The following PPP1R9B variants were observed in gnomAD, a reference collection of about 807,000 sequenced individuals.
PPP1R9B encodes the protein protein phosphatase 1 regulatory subunit 9B, also known as neurabin-2.
In PPP1R9B, 17 loss-of-function variants were observed where a neutral mutation model predicts 75.8. The ratio of observed to expected loss-of-function variants is 0.22; its 90% confidence interval spans 0.15 to 0.34. PPP1R9B has a LOEUF of 0.34. Among genes scored for constraint, PPP1R9B ranks in the 10% least tolerant of loss-of-function variants. The pLI is 1.00. For synonymous variants in PPP1R9B, 509 were observed against 535.4 expected, an observed-to-expected ratio of 0.95 and a Z score of 0.68; for missense variants, 875 against 1,196.0, an observed-to-expected ratio of 0.73 and a Z score of 3.96.
chr17:50,149,533 C>G lies in PPP1R9B; in HGVS notation c.981G>C (p.Ala327=), dbSNP rs1426244800. The G allele has an allele frequency of 6.3e-7, 1 of 1,591,500 alleles. No individual in the cohort carries two copies. Residue 327 remains alanine (A), a synonymous_variant, in exon 1 of 10, where the codon GCG becomes GCC. Transcript: ENST00000612501. This position sits in a 1 kb window ranked among gnomAD's most constrained non-coding sequence, Gnocchi z 7.2. The stretch of plus-strand genomic sequence containing the variant: ...CCACGGTGCTGCCATTCTCCAGGGC[C>G]GCGTGGACCGTAACCTCGGCCTGGA... ...EVIQAEVTVH[A]ALENGSTVAT...
Position 50,149,493 on chromosome 17 carries a change from G to T in PPP1R9B, c.1021C>A (p.Pro341Thr). ...NGSTVATAAS[P>T]APEEPKAQAA... The stretch of plus-strand genomic sequence containing the variant: ...TGGGCCTTTGGCTCCTCGGGCGCGG[G>T]GCTGGCTGCAGTTGCCACGGTGCTG... The change falls in exon 1 of 10, where the codon CCC becomes ACC. Residue 341 changes from proline (P) to threonine (T), a missense_variant. Around this residue, in one of 4 missense-constraint regions of PPP1R9B, gnomAD observed 449 missense variants for 475.0 expected, o/e 0.95. Coordinates refer to ENST00000612501, the MANE Select transcript of PPP1R9B (RefSeq NM_032595.5). The surrounding 1 kb of genome is among the most constrained non-coding windows in gnomAD (Gnocchi z 7.2). 6.3e-7 allele frequency: 1 copy of T among 1,598,268 alleles called. No homozygotes were observed. The highest frequency in any genetic ancestry group is 8.5e-7 in the Non-Finnish European group (1 of 1,173,674).
chr17:50,136,714 CT>C (rs1912241264), intron 7 of PPP1R9B, among the ~76,000 whole-genome samples: 1 of 152,154 alleles, frequency 6.6e-6, no homozygotes, highest in African/African-American at 2.4e-5. Flanking sequence ...CAGCGCAGAC[CT>C]CCAGTCCCCC....
At chr17:50,143,818 TC>T (rs1448371442) in intron 2 of PPP1R9B, 100 bp from the exon 3 acceptor site, 2 of 1,512,850 alleles carry the variant, frequency 1.3e-6, no homozygotes, top group African/African-American at 2.7e-5. Context: ...CAGGAAGCAG[TC>T]CCCATTAGGG....
intron 1 of PPP1R9B, among the ~76,000 whole-genome samples, chr17:50,148,129 T>C (rs1030961563): frequency 6.6e-6 from 1 of 150,476 alleles, no homozygotes; most frequent in Non-Finnish European, 1.5e-5. Context: ...GGGGGAGGGG[T>C]GGCCTGGGGT....
Position 50,142,069 on chromosome 17 carries a change from C to T in PPP1R9B, c.1626-696G>A, listed in dbSNP as rs981539321. 3.9e-5 allele frequency among the ~76,000 whole-genome samples: 6 copies of T among 152,182 alleles called. No homozygotes were observed. Among genetic ancestry groups the T allele is most frequent in the African/African-American group, 7.2e-5 (3 of 41,422 alleles). On this transcript the variant is annotated intron_variant, in intron 3 of 9. Transcript: ENST00000612501. This position sits in a 1 kb window ranked among gnomAD's most constrained non-coding sequence, Gnocchi z 4.1. ...AGATGTCCTCCCAAGTCCCCAAGAC[C>T]GAATGGCACTCTCTCGAGTTCACAC...
chr17:50,136,932 T>C (rs553740555), intron 7 of PPP1R9B, among the ~76,000 whole-genome samples: 1 of 152,218 alleles, frequency 6.6e-6, no homozygotes, highest in East Asian at 1.9e-4. Context: ...ATGCCTCCTT[T>C]CCTGACTTGC....
chr17:50,150,113 G>T lies in PPP1R9B; in HGVS notation c.401C>A (p.Pro134His). The change falls in exon 1 of 10, where the codon CCT becomes CAT. Residue 134 changes from proline (P) to histidine (H), a missense_variant. This residue lies in a region of PPP1R9B where 449 missense variants were observed against 475.0 expected (regional missense o/e 0.95). Coordinates refer to ENST00000612501, the MANE Select transcript of PPP1R9B (RefSeq NM_032595.5). The surrounding 1 kb of genome is among the most constrained non-coding windows in gnomAD (Gnocchi z 8.7). ...FDSKPAPSAQ[P>H]APPPHPPSRL... ...GGACGGCGGGTGCGGCGGCGGCGCA[G>T]GCTGCGCGGAGGGCGCGGGCTTGGA... 7.1e-7 allele frequency: 1 copy of T among 1,401,364 alleles called. No homozygotes were observed. Among genetic ancestry groups the T allele is most frequent in the Non-Finnish European group, 9.2e-7 (1 of 1,083,308 alleles). The allele number at this position is 1,401,364 out of a possible 1,614,324, so 86.8% of individuals were successfully genotyped here.
In PPP1R9B at chr17:50,139,620, C is replaced by T. The variant is rs1567728159; in HGVS notation, c.1867-39G>A. 6.6e-7 allele frequency: 1 copy of T among 1,517,882 alleles called. No individual in the cohort carries two copies. 94.0% of individuals were successfully genotyped at this position (1,517,882 alleles called of 1,614,324 possible). On this transcript the variant is annotated intron_variant, in intron 5 of 9. Transcript: ENST00000612501. This position sits in a 1 kb window ranked among gnomAD's most constrained non-coding sequence, Gnocchi z 5.0. ...CCGGAGACTGTGGGCCCACCCCACC[C>T]AGCTGCCCTCAGCCCTGATGACCAG...
At position 50,150,292 on chromosome 17, in the gene PPP1R9B, C is replaced by T. The variant is rs1485177207; in HGVS notation, c.222G>A (p.Ala74=). 9.8e-6 allele frequency: 14 copies of T among 1,423,714 alleles called. No homozygotes were observed. In the East Asian group the frequency reaches 4.0e-4, roughly 41 times the overall value. 88.2% of individuals were successfully genotyped at this position (1,423,714 alleles called of 1,614,324 possible). Residue 74 remains alanine, a synonymous_variant, in exon 1 of 10, where the codon GCG becomes GCA. Transcript: ENST00000612501. The surrounding 1 kb of genome is among the most constrained non-coding windows in gnomAD (Gnocchi z 8.7). ...MGTTAGPSGE[A]GGGAGLAEAP... is the part of the protein sequence containing the mutation. ...CCTCGGCCAGGCCCGCGCCGCCGCCCGCCTCGCCCGAGGGCCCCGCCGTCG... is the reference window on the plus strand; with the variant it reads ...CCTCGGCCAGGCCCGCGCCGCCGCCTGCCTCGCCCGAGGGCCCCGCCGTCG...
chr17:50,139,225 A>G lies in PPP1R9B; in HGVS notation c.2073+38T>C. 1.9e-6 allele frequency: 3 copies of G among 1,613,052 alleles called. No homozygotes were observed. Among genetic ancestry groups the G allele is most frequent in the Non-Finnish European group, 2.5e-6 (3 of 1,178,972 alleles). On this transcript the variant is annotated intron_variant, in intron 7 of 9. Transcript: ENST00000612501. The surrounding 1 kb of genome is among the most constrained non-coding windows in gnomAD (Gnocchi z 5.0). ...GGGGACCCTGCTCCTCAACACACAC[A>G]TGCACGCACGCAAAAGCACACACAT...
At chr17:50,146,010 C>G (rs1679440114) in intron 1 of PPP1R9B, 1 of 152,662 alleles carries the variant, frequency 6.6e-6, no homozygotes, top group Admixed American at 6.5e-5. Flanking sequence ...GTTACGCCCC[C>G]TGTCCATGTG....
At position 50,139,561 on chromosome 17, in the gene PPP1R9B, G is replaced by A. The variant is rs1227914182; in HGVS notation, c.1887C>T (p.Asp629=). ...DDEETGEYAT[D]EDEELSPTFP... ...ACGTGGGGCTCAGCTCCTCATCCTC[G>A]TCAGTGGCATACTCTCCCGTCTGCG... The change falls in exon 6 of 10, where the codon GAC becomes GAT. Residue 629 remains aspartate, a synonymous_variant. Transcript: ENST00000612501. The surrounding 1 kb of genome is among the most constrained non-coding windows in gnomAD (Gnocchi z 5.0). The A allele has an allele frequency of 3.8e-6, 6 of 1,571,612 alleles. No individual in the cohort carries two copies. Among genetic ancestry groups the A allele is most frequent in the African/African-American group, 1.4e-5 (1 of 73,870 alleles).
In PPP1R9B at chr17:50,135,596, G is replaced by C; in HGVS notation, c.2357C>G (p.Ser786Trp). 6.2e-7 allele frequency: 1 copy of C among 1,611,286 alleles called. No individual in the cohort carries two copies. Among genetic ancestry groups the C allele is most frequent in the South Asian group, 1.1e-5 (1 of 90,578 alleles). ...ETAQRRVLEE[S>W]ELARKEEMDK... ...CATCTCCTCCTTTCTGGCCAGCTCC[G>C]ACTCCTCCAGAACCCGACGCTGTGC... Residue 786 changes from serine (S) to tryptophan (W), a missense_variant, in exon 9 of 10, where the codon TCG becomes TGG. Around this residue, in one of 4 missense-constraint regions of PPP1R9B, gnomAD observed 218 missense variants for 334.6 expected, o/e 0.65. Transcript: ENST00000612501.
Position 50,150,409 on chromosome 17 carries a change from C to T in PPP1R9B, c.105G>A (p.Ala35=), listed in dbSNP as rs764859672. ...CCTTGGGTGCCTCGTCGGGCCCGGG[C>T]GCGTCGGGCGGCTTCAGCGCCTGGA... is the stretch of plus-strand genomic sequence containing the variant. ...AGIQALKPPD[A]PGPDEAPKGA... Residue 35 remains alanine (A), a synonymous_variant, in exon 1 of 10, where the codon GCG becomes GCA. Coordinates refer to ENST00000612501, the MANE Select transcript of PPP1R9B (RefSeq NM_032595.5). The surrounding 1 kb of genome is among the most constrained non-coding windows in gnomAD (Gnocchi z 8.7). 9.3e-6 allele frequency: 13 copies of T among 1,396,396 alleles called. No homozygotes were observed. The East Asian group carries it at 2.8e-4, about 30-fold the overall frequency. 86.5% of individuals were successfully genotyped at this position (1,396,396 alleles called of 1,614,324 possible).
chr17:50,149,563 C>A lies in PPP1R9B; in HGVS notation c.951G>T (p.Glu317Asp). The change falls in exon 1 of 10, where the codon GAG becomes GAT. Residue 317 changes from glutamate to aspartate, a missense_variant. Coordinates refer to ENST00000612501, the MANE Select transcript of PPP1R9B (RefSeq NM_032595.5). This position sits in a 1 kb window ranked among gnomAD's most constrained non-coding sequence, Gnocchi z 7.2. ...GGACCGTAACCTCGGCCTGGATCAC[C>A]TCCCCGGGCGCCGACTCGGCCTCCG... ...GESEAESAPG[E>D]VIQAEVTVHA... The A allele has an allele frequency of 6.3e-7, 1 of 1,585,450 alleles. No homozygotes were observed. Among genetic ancestry groups the A allele is most frequent in the Non-Finnish European group, 8.6e-7 (1 of 1,169,054 alleles).
intron 1 of PPP1R9B, among the ~76,000 whole-genome samples, chr17:50,147,402 G>A (rs1424725304): frequency 6.6e-6 from 1 of 152,224 alleles, no homozygotes; most frequent in Non-Finnish European, 1.5e-5. Context: ...AGAAAAAGTG[G>A]GGCCCCTGTG....
rs1300233643 is a variant in PPP1R9B, at chr17:50,135,665, G to A, written c.2304-16C>T. Reference sequence around the variant, plus strand: ...CTCGATCTCCCTGGGCACAGGCAAGGGACAGATGGCAGGTAAGGGTGTGTG... The same window carrying A: ...CTCGATCTCCCTGGGCACAGGCAAGAGACAGATGGCAGGTAAGGGTGTGTG... On this transcript the variant is annotated splice_polypyrimidine_tract_variant and intron_variant, in intron 8 of 9. Coordinates refer to ENST00000612501, the MANE Select transcript of PPP1R9B (RefSeq NM_032595.5). 1.9e-6 allele frequency: 3 copies of A among 1,590,032 alleles called. No homozygotes were observed. Among genetic ancestry groups the A allele is most frequent in the Middle Eastern group, 3.3e-4 (2 of 6,034 alleles).
chr17:50,139,464 T>C lies in PPP1R9B; in HGVS notation c.1984A>G (p.Met662Val), dbSNP rs780876489. 8 of 1,604,594 alleles carry C rather than the reference T, an allele frequency of 5.0e-6. No homozygotes were observed. The highest frequency in any genetic ancestry group is 1.7e-4 in the Middle Eastern group (1 of 6,022). ...TTGTGCACCAGCTTCTCGGGCTCCA[T>C]GTCCACAGGGGACAGTGCATCCTCG... ...ENEDALSPVDMEPEKLVHKFK... is the reference protein window; with the variant it reads ...ENEDALSPVDVEPEKLVHKFK... The change falls in exon 6 of 10, where the codon ATG becomes GTG. Residue 662 changes from methionine to valine, a missense_variant. Met to Val is a conservative substitution (Grantham distance 21). Coordinates refer to ENST00000612501, the MANE Select transcript of PPP1R9B (RefSeq NM_032595.5). This position sits in a 1 kb window ranked among gnomAD's most constrained non-coding sequence, Gnocchi z 5.0.
intron 5 of PPP1R9B, 33 bp downstream of exon 5, chr17:50,140,060 G>A (rs201490144): frequency 1.1e-5 from 18 of 1,608,452 alleles, no homozygotes; most frequent in Middle Eastern, 3.3e-4. Flanking sequence ...ACCAGGGGGC[G>A]ACCACGCGGC....
Sources: allele counts gnomAD v4.1 joint callset (sites outside exome capture counted in the v4.1 genomes callset), GRCh38; gene constraint gnomAD v4.1.1; regional missense constraint gnomAD v4.1.1; non-coding constraint Gnocchi (gnomAD v3.1); transcripts MANE v1.5; gene names NCBI Gene and HGNC (gene_info 2026-07-23, HGNC 2026-07-21).